PARD3B: variants seen among roughly 807,000 people sequenced by gnomAD.
The protein encoded by PARD3B is par-3 family cell polarity regulator beta.
In PARD3B, 103 loss-of-function variants were observed where a neutral mutation model predicts 130.2. The ratio of observed to expected loss-of-function variants is 0.79; its 90% CI spans 0.67 to 0.93. The LOEUF (loss-of-function observed/expected upper bound fraction) is 0.93. Ranked by LOEUF, PARD3B falls within the 40% of genes least tolerant of loss-of-function variation. The pLI, the probability that PARD3B is intolerant of heterozygous loss-of-function variation, is 0.00. For synonymous variants in PARD3B, 583 were observed against 553.2 expected (o/e 1.05, Z -0.76); for missense variants, 1,609 against 1,499.2 (o/e 1.07, Z -1.21).
intron 2 of PARD3B, among the ~76,000 whole-genome samples, chr2:204,847,170 CTTTTTTT>C (rs528059401): frequency 7.4e-6 from 1 of 135,670 alleles, no homozygotes; most frequent in Admixed American, 7.3e-5. Flanking sequence ...AACTTTCTTT[CTTTTTTT>C]TTTTTTTGCT....
intron 22 of PARD3B, among the ~76,000 whole-genome samples, chr2:205,608,178 G>T (rs1256495143): frequency 1.3e-5 from 2 of 152,168 alleles, no homozygotes; most frequent in Non-Finnish European, 2.9e-5. Flanking sequence ...TCTCCAGGTA[G>T]CACCTTGGGC....
intron 18 of PARD3B, among the ~76,000 whole-genome samples, chr2:205,343,123 A>C (rs780400909): frequency 2.0e-5 from 3 of 152,184 alleles, no homozygotes; most frequent in Admixed American, 6.5e-5. Context: ...ATTATGACTA[A>C]GGTCGTCTTA....
At chr2:205,380,821 A>G (rs1347439800) in intron 18 of PARD3B, among the ~76,000 whole-genome samples, 3 of 96,950 alleles carry the variant, frequency 3.1e-5, no homozygotes, top group Non-Finnish European at 5.2e-5. Context: ...TATATTATAT[A>G]TTATATAAAG....
intron 20 of PARD3B, among the ~76,000 whole-genome samples, chr2:205,493,329 C>T (rs2049793310): frequency 6.6e-6 from 1 of 152,052 alleles, no homozygotes; most frequent in African/African-American, 2.4e-5. Flanking sequence ...ACAAAGAACA[C>T]TCCCCCTGTG....
rs1184537367 is a variant in PARD3B at position 205,325,173 on chromosome 2, A to G, written c.2630+23472A>G. ...CTGCCCATCTGATCTTCACAAACAT[A>G]TATTTGATCTTCTACCAAAATTTTT... is the stretch of plus-strand genomic sequence containing the variant. On this transcript the variant is annotated intron_variant, in intron 18 of 22. Transcript: ENST00000406610. The surrounding 1 kb of genome is among the most constrained non-coding windows in gnomAD (Gnocchi z 4.1). 1.3e-5 allele frequency among the ~76,000 whole-genome samples: 2 copies of G among 152,160 alleles called. No homozygotes were observed. Among genetic ancestry groups the G allele is most frequent in the African/African-American group, 2.4e-5 (1 of 41,460 alleles).
At position 205,280,187 on chromosome 2, in the gene PARD3B, A is replaced by G. The variant is rs2041134186; in HGVS notation, c.2186-20343A>G. Among the ~76,000 whole-genome samples, 1 of 152,236 alleles carries G rather than the reference A, an allele frequency of 6.6e-6. No individual in the cohort carries two copies. The highest frequency in any genetic ancestry group is 2.4e-5 in the African/African-American group (1 of 41,466). ...GGGAAAAAAATTGCTTTAGGACAAAATAACAGTCACTACTCCTTTTTCCCG... is the reference window on the plus strand; with the variant it reads ...GGGAAAAAAATTGCTTTAGGACAAAGTAACAGTCACTACTCCTTTTTCCCG... On this transcript the variant is annotated intron_variant, in intron 16 of 22. Transcript: ENST00000406610. The surrounding 1 kb of genome is among the most constrained non-coding windows in gnomAD (Gnocchi z 4.7).
In PARD3B at chr2:205,440,775, C is replaced by T; in HGVS notation, c.3044+103C>T. On this transcript the variant is annotated intron_variant, in intron 20 of 22. Coordinates refer to ENST00000406610, the MANE Select transcript of PARD3B (RefSeq NM_001302769.2). This position sits in a 1 kb window ranked among gnomAD's most constrained non-coding sequence, Gnocchi z 4.2. Reference sequence around the variant, plus strand: ...AAATGTCTCCTTCAATCAATTAAAACTGAAACGAGTCAGTACCCTAGACAA... The same window carrying T: ...AAATGTCTCCTTCAATCAATTAAAATTGAAACGAGTCAGTACCCTAGACAA... 8.1e-7 allele frequency: 1 copy of T among 1,227,594 alleles called. No homozygotes were observed. Among genetic ancestry groups the T allele is most frequent in the Admixed American group, 2.4e-5 (1 of 42,370 alleles). 76.0% of individuals were successfully genotyped at this position (1,227,594 alleles called of 1,614,324 possible).
chr2:204,717,539 G>T (rs550249626), intron 2 of PARD3B, among the ~76,000 whole-genome samples: 1 of 152,134 alleles, frequency 6.6e-6, no homozygotes. Flanking sequence ...GGTGGAGTTG[G>T]TGGTGGCCTG....
chr2:204,958,087 C>A (rs1439352049), intron 2 of PARD3B, among the ~76,000 whole-genome samples: 1 of 152,006 alleles, frequency 6.6e-6, no homozygotes, highest in Admixed American at 6.6e-5. Flanking sequence ...AAAATAGAGC[C>A]ACATATTTCT....
Position 204,637,399 on chromosome 2 carries a change from A to G in PARD3B, c.121-48782A>G, listed in dbSNP as rs372124123. Reference sequence around the variant, plus strand: ...AACAGTTAATTTCCTTCCAGGTTTAATATACCTCCAGTTTCAGTATACCTG... The same window carrying G: ...AACAGTTAATTTCCTTCCAGGTTTAGTATACCTCCAGTTTCAGTATACCTG... On this transcript the variant is annotated intron_variant, in intron 1 of 22. Coordinates refer to ENST00000406610, the MANE Select transcript of PARD3B (RefSeq NM_001302769.2). 6.6e-5 allele frequency among the ~76,000 whole-genome samples: 10 copies of G among 152,308 alleles called. No homozygotes were observed. In the East Asian group the frequency reaches 1.7e-3, roughly 26 times the overall value.
intron 2 of PARD3B, among the ~76,000 whole-genome samples, chr2:204,905,164 A>G (rs1015096759): frequency 6.6e-6 from 1 of 152,224 alleles, no homozygotes; most frequent in Non-Finnish European, 1.5e-5. Context: ...ATATAGCAGT[A>G]CTTAAGTGTT....
intron 2 of PARD3B, among the ~76,000 whole-genome samples, chr2:204,933,966 C>T (rs1688220123): frequency 6.6e-6 from 1 of 152,184 alleles, no homozygotes; most frequent in Admixed American, 6.5e-5. Flanking sequence ...TGCAGTCTTT[C>T]TCTTGTGACC....
At chr2:204,807,176 C>A (rs940027831) in intron 2 of PARD3B, among the ~76,000 whole-genome samples, 1 of 152,132 alleles carries the variant, frequency 6.6e-6, no homozygotes, top group African/African-American at 2.4e-5. Flanking sequence ...ATTCAATTAC[C>A]TCTACCAGAT....
At chr2:205,452,689 A>AT (rs1427508487) in intron 20 of PARD3B, among the ~76,000 whole-genome samples, 1 of 152,050 alleles carries the variant, frequency 6.6e-6, no homozygotes, top group African/African-American at 2.4e-5. Context: ...GTTCTCATTA[A>AT]TTTTTTTCCC....
intron 1 of PARD3B, among the ~76,000 whole-genome samples, chr2:204,612,498 C>T (rs191688361): frequency 2.6e-5 from 4 of 152,116 alleles, no homozygotes; most frequent in African/African-American, 4.8e-5. Context: ...AAATACATTT[C>T]TTTGATCTTC....
chr2:204,945,018 G>A (rs1198264863), intron 2 of PARD3B, among the ~76,000 whole-genome samples: 2 of 152,190 alleles, frequency 1.3e-5, no homozygotes, highest in Non-Finnish European at 2.9e-5. Context: ...GACAATGAGG[G>A]AGATCTGTAC....
At chr2:205,516,700 C>A (rs2050804273) in intron 21 of PARD3B, among the ~76,000 whole-genome samples, 2 of 152,122 alleles carry the variant, frequency 1.3e-5, no homozygotes, top group African/African-American at 2.4e-5. Flanking sequence ...GGTATAAAAT[C>A]ATATCGTCTG....
At chr2:205,262,545 A>G (rs112816503) in intron 16 of PARD3B, among the ~76,000 whole-genome samples, 2,009 of 152,238 alleles carry the variant, frequency 0.013, 24 homozygotes, top group African/African-American at 0.045. Flanking sequence ...CAGAGGGGGC[A>G]GATTACAAAT....
At chr2:205,195,643 G>A (rs1012353497) in intron 15 of PARD3B, among the ~76,000 whole-genome samples, 1 of 152,166 alleles carries the variant, frequency 6.6e-6, no homozygotes, top group African/African-American at 2.4e-5. Flanking sequence ...CAATGTAAGA[G>A]ATTAATTTAT....
Sources: gnomAD v4.1 joint callset for allele counts (sites outside exome capture counted in the v4.1 genomes callset) on GRCh38, gnomAD v4.1.1 for gene constraint, Gnocchi (gnomAD v3.1) non-coding constraint, MANE v1.5 for transcripts, NCBI Gene and HGNC (gene_info 2026-07-23, HGNC 2026-07-21) for gene names.